The following KIAA1549L variants were observed in gnomAD, a reference collection of about 807,000 sequenced individuals.
KIAA1549L encodes KIAA1549 like.
A neutral mutation model predicts 160.7 loss-of-function variants in KIAA1549L; 88 were observed. The observed-to-expected ratio is 0.55, with a 90% confidence interval of 0.46 to 0.65. KIAA1549L has a LOEUF of 0.65. Ranked by LOEUF, KIAA1549L falls within the 30% of genes least tolerant of loss-of-function variation. The pLI, the probability that KIAA1549L is intolerant of heterozygous loss-of-function variation, is 0.00. For missense variants in KIAA1549L, 2,258 were observed against 2,437.5 expected, an observed-to-expected ratio of 0.93 and a Z score of 1.55; for synonymous variants, 950 against 976.7, an observed-to-expected ratio of 0.97 and a Z score of 0.51.
At chr11:33,574,586 G>A in intron 9 of KIAA1549L, 116 bp from the exon 10 acceptor site, 2 of 897,628 alleles carry the variant, frequency 2.2e-6, no homozygotes, top group East Asian at 2.6e-5. Flanking sequence ...GTGAAGGTTG[G>A]CGTCTAGCCA....
rs960965213 is a variant in KIAA1549L, at chr11:33,533,191, G to A, written c.239-8611G>A. 3.3e-5 allele frequency among the ~76,000 whole-genome samples: 5 copies of A among 152,164 alleles called. 1 individual carries two copies. The highest frequency in any genetic ancestry group is 2.0e-4 in the Admixed American group (3 of 15,264). ...GTTAAAGTTCTGTTTGCTACATGGC[G>A]GGAATAATTAGAGTGTAGCAGCATC... On this transcript the variant is annotated intron_variant, in intron 1 of 20. Coordinates refer to ENST00000658780, the MANE Select transcript of KIAA1549L (RefSeq NM_012194.3).
intron 9 of KIAA1549L, 121 bp from the exon 10 acceptor site, chr11:33,574,581 G>C: frequency 2.4e-6 from 2 of 843,842 alleles, no homozygotes; most frequent in Non-Finnish European, 3.6e-6. Flanking sequence ...GGTATGTGAA[G>C]GTTGGCGTCT....
At chr11:33,440,944 A>G (rs1851489618) in intron 1 of KIAA1549L, among the ~76,000 whole-genome samples, 1 of 151,736 alleles carries the variant, frequency 6.6e-6, no homozygotes, top group African/African-American at 2.4e-5. Context: ...TTATACTTTA[A>G]GTTTTAGAGT....
chr11:33,405,748 A>G (rs996798730), intron 1 of KIAA1549L, among the ~76,000 whole-genome samples: 4 of 147,836 alleles, frequency 2.7e-5, no homozygotes, highest in Non-Finnish European at 4.5e-5. Flanking sequence ...AGGCTGATGC[A>G]GGAGAATCGC....
intron 1 of KIAA1549L, among the ~76,000 whole-genome samples, chr11:33,535,508 CAA>C (rs1225624279): frequency 6.6e-6 from 1 of 151,708 alleles, no homozygotes; most frequent in African/African-American, 2.4e-5. Context: ...CCCGTCTGTA[CAA>C]AAAATACAAA....
At chr11:33,531,673 T>G (rs1853777211) in intron 1 of KIAA1549L, among the ~76,000 whole-genome samples, 2 of 152,198 alleles carry the variant, frequency 1.3e-5, no homozygotes, top group Admixed American at 1.3e-4. Context: ...GCAATTTGAT[T>G]CTATTGACTG....
At chr11:33,511,956 C>T (rs975631359) in intron 1 of KIAA1549L, among the ~76,000 whole-genome samples, 13 of 152,240 alleles carry the variant, frequency 8.5e-5, no homozygotes, top group African/African-American at 2.6e-4. Context: ...AAGTTAGCTG[C>T]GATTAGGTTG....
At chr11:33,519,472 T>A (rs1853429391) in intron 1 of KIAA1549L, among the ~76,000 whole-genome samples, 1 of 152,228 alleles carries the variant, frequency 6.6e-6, no homozygotes, top group Non-Finnish European at 1.5e-5. Flanking sequence ...ACAAAACATG[T>A]CACTATTTCA....
chr11:33,503,027 A>C lies in KIAA1549L; in HGVS notation c.239-38775A>C, dbSNP rs116443062. Among the ~76,000 whole-genome samples the C allele has an allele frequency of 3.3e-3, 498 of 152,332 alleles. 6 individuals are homozygous for C. Among genetic ancestry groups the C allele is most frequent in the African/African-American group, 0.011 (450 of 41,574 alleles). On this transcript the variant is annotated intron_variant, in intron 1 of 20. Transcript: ENST00000658780. ...CACACTGTAAGTATATAACTTGATT[A>C]ATTTTCAAAAACAAGCACACCTGTG... is the stretch of plus-strand genomic sequence containing the variant.
rs570953071 is a variant in KIAA1549L at position 33,574,587 on chromosome 11, C to T, written c.4231-115C>T. 123 of 910,074 alleles carry T rather than the reference C, an allele frequency of 1.4e-4. No homozygotes were observed. In the African/African-American group the frequency reaches 1.8e-3, roughly 13 times the overall value. The allele number at this position is 910,074 out of a possible 1,614,324, so 56.4% of individuals were successfully genotyped here. On this transcript the variant is annotated intron_variant, in intron 9 of 20. Transcript: ENST00000658780. ...ATATAGGGAGGTATGTGAAGGTTGG[C>T]GTCTAGCCACAGAAGTCTTCAGCAG... is the stretch of plus-strand genomic sequence containing the variant.
At chr11:33,401,551 C>G (rs1850501290) in intron 1 of KIAA1549L, among the ~76,000 whole-genome samples, 1 of 151,462 alleles carries the variant, frequency 6.6e-6, no homozygotes, top group Non-Finnish European at 1.5e-5. Flanking sequence ...TGTGGGTGTG[C>G]TGTCAGGTTC....
chr11:33,431,111 T>A (rs1001003250), intron 1 of KIAA1549L, among the ~76,000 whole-genome samples: 3 of 152,016 alleles, frequency 2.0e-5, no homozygotes, highest in African/African-American at 7.2e-5. Context: ...CATCTGGAGT[T>A]GTTCGTTCCT....
chr11:33,519,868 G>A (rs560067103), intron 1 of KIAA1549L, among the ~76,000 whole-genome samples: 35 of 151,564 alleles, frequency 2.3e-4, no homozygotes, highest in African/African-American at 7.5e-4. Context: ...TTGCCTCCCC[G>A]ACCCCAGCAG....
intron 10 of KIAA1549L, among the ~76,000 whole-genome samples, chr11:33,580,489 G>A (rs1326917244): frequency 3.0e-4 from 45 of 149,182 alleles, no homozygotes; most frequent in Non-Finnish European, 6.3e-4. Context: ...CACAAGAATG[G>A]CTTGAAACTG....
chr11:33,402,841 G>A (rs942266329), intron 1 of KIAA1549L, among the ~76,000 whole-genome samples: 7 of 152,274 alleles, frequency 4.6e-5, no homozygotes, highest in African/African-American at 1.4e-4. Context: ...AGTTGACTTG[G>A]TGACCTTTGG....
intron 1 of KIAA1549L, among the ~76,000 whole-genome samples, chr11:33,512,654 C>A (rs1853253700): frequency 1.3e-5 from 2 of 152,278 alleles, no homozygotes; most frequent in South Asian, 4.1e-4. Flanking sequence ...CTCCTGGGCT[C>A]AAGTGATCCA....
chr11:33,614,673 C>T (rs1252538070), intron 15 of KIAA1549L, among the ~76,000 whole-genome samples: 8 of 125,386 alleles, frequency 6.4e-5, no homozygotes, highest in Admixed American at 5.5e-4. Flanking sequence ...AGTGCTGTGG[C>T]GCTATCTCGG....
chr11:33,475,695 C>CT (rs1565151707), intron 1 of KIAA1549L, among the ~76,000 whole-genome samples: 28 of 139,650 alleles, frequency 2.0e-4, no homozygotes, highest in Non-Finnish European at 3.6e-4. Flanking sequence ...CTCGCTCTCT[C>CT]AAAAAAAAAA....
rs1357451756 is a variant in KIAA1549L, at chr11:33,609,766, G to A, written c.5079G>A (p.Lys1693=). 1 of 1,608,794 alleles carries A rather than the reference G, an allele frequency of 6.2e-7. No individual in the cohort carries two copies. Among genetic ancestry groups the A allele is most frequent in the East Asian group, 2.2e-5 (1 of 44,714 alleles). The change falls in exon 15 of 21, where the codon AAG becomes AAA. Residue 1693 remains lysine (K), a synonymous_variant. Coordinates refer to ENST00000658780, the MANE Select transcript of KIAA1549L (RefSeq NM_012194.3). ...CTCCCCAGGTGAACAAAGCCCTGAA[G>A]CAGAAGTCAGACATCGAGCACTATC... The part of the protein sequence containing the change: ...VLNGEVNKAL[K]QKSDIEHYRN...
Sources: allele counts gnomAD v4.1 joint callset (sites outside exome capture counted in the v4.1 genomes callset), GRCh38; gene constraint gnomAD v4.1.1; transcripts MANE v1.5; gene names NCBI Gene and HGNC (gene_info 2026-07-23, HGNC 2026-07-21).